The following CTNNA3 variants were observed in gnomAD, a reference collection of about 807,000 sequenced individuals.
The protein encoded by CTNNA3 is catenin alpha-3.
Under a neutral mutation model 95.7 loss-of-function variants are expected in CTNNA3, and 76 were observed. The ratio of observed to expected loss-of-function variants is 0.79; its 90% confidence interval spans 0.66 to 0.96. The LOEUF is 0.96. Among genes scored for constraint, CTNNA3 ranks in the 40% least tolerant of loss-of-function variants. The pLI, the probability that CTNNA3 is intolerant of heterozygous loss-of-function variation, is 0.00. For missense variants in CTNNA3, 1,191 were observed against 1,089.8 expected (o/e 1.09, Z -1.31); for synonymous variants, 431 against 374.4 (o/e 1.15, Z -1.74).
intron 10 of CTNNA3, among the ~76,000 whole-genome samples, chr10:66,609,201 A>G (rs1007721111): frequency 6.6e-6 from 1 of 151,546 alleles, no homozygotes; most frequent in African/African-American, 2.4e-5. Flanking sequence ...CTGGGACCAC[A>G]GGTATGTGCC....
intron 7 of CTNNA3, among the ~76,000 whole-genome samples, chr10:66,881,053 C>T (rs1268299716): frequency 6.6e-6 from 1 of 152,092 alleles, no homozygotes; most frequent in African/African-American, 2.4e-5. Context: ...CGTCAGCTGT[C>T]AGACACTATC....
At position 67,586,489 on chromosome 10, in the gene CTNNA3, C is replaced by A. The variant is rs1035169198; in HGVS notation, c.292+20368G>T. On this transcript the variant is annotated intron_variant, in intron 3 of 17. Coordinates refer to ENST00000433211, the MANE Select transcript of CTNNA3 (RefSeq NM_013266.4). ...TATTTGTTTTATGAATACGGGTGCT[C>A]CAGGATTGGATGCATGTATTTAGAA... Among the ~76,000 whole-genome samples the A allele has an allele frequency of 3.3e-5, 5 of 152,008 alleles. No individual in the cohort carries two copies. In the East Asian group the frequency reaches 7.7e-4, roughly 23 times the overall value.
At chr10:67,750,263 A>T in intron 1 of CTNNA3, 2 of 1,507,692 alleles carry the variant, frequency 1.3e-6, no homozygotes, top group African/African-American at 1.4e-5. Context: ...GTGCTCACTC[A>T]GAATCATTTC....
Position 67,270,266 on chromosome 10 carries a change from C to T in CTNNA3, c.580-50396G>A, listed in dbSNP as rs962591870. Among the ~76,000 whole-genome samples the T allele has an allele frequency of 1.6e-4, 25 of 152,040 alleles. 1 individual carries two copies. The highest frequency in any genetic ancestry group is 6.0e-4 in the African/African-American group (25 of 41,434). ...CATCTATTCGCATCTTGACATGTTG[C>T]TCTTTTAAAATAAACATAATTCCTC... On this transcript the variant is annotated intron_variant, in intron 5 of 17. Coordinates refer to ENST00000433211, the MANE Select transcript of CTNNA3 (RefSeq NM_013266.4).
chr10:67,627,592 G>A (rs1173456324), intron 2 of CTNNA3, among the ~76,000 whole-genome samples: 1 of 152,096 alleles, frequency 6.6e-6, no homozygotes, highest in Non-Finnish European at 1.5e-5. Flanking sequence ...AAATGTTTGA[G>A]TCATTTCTAA....
chr10:67,564,395 A>C (rs1481798860), intron 3 of CTNNA3, among the ~76,000 whole-genome samples: 1 of 147,056 alleles, frequency 6.8e-6, no homozygotes, highest in Non-Finnish European at 1.5e-5. Context: ...TCGCAAGGAC[A>C]GAAAACCAAA....
At chr10:66,043,638 T>C (rs952378481) in intron 15 of CTNNA3, among the ~76,000 whole-genome samples, 3 of 152,204 alleles carry the variant, frequency 2.0e-5, no homozygotes, top group South Asian at 4.1e-4. Context: ...ATGTCCTGAA[T>C]GCTGTCAGAG....
At chr10:66,520,209 C>T (rs114485619) in intron 11 of CTNNA3, among the ~76,000 whole-genome samples, 1,548 of 144,264 alleles carry the variant, frequency 0.011, 29 homozygotes, top group African/African-American at 0.038. Flanking sequence ...TAAATGTTTA[C>T]TGGATTAAAT....
intron 10 of CTNNA3, among the ~76,000 whole-genome samples, chr10:66,535,720 G>A (rs117748801): frequency 9.2e-5 from 14 of 152,232 alleles, no homozygotes; most frequent in Non-Finnish European, 1.3e-4. Context: ...GTGAGGGATG[G>A]GGAGGGAGAA....
At chr10:67,133,646 T>A (rs1367419687) in intron 7 of CTNNA3, among the ~76,000 whole-genome samples, 1 of 151,808 alleles carries the variant, frequency 6.6e-6, no homozygotes, top group East Asian at 1.9e-4. Flanking sequence ...AGATTAAAAC[T>A]CTAATTAATT....
intron 7 of CTNNA3, among the ~76,000 whole-genome samples, chr10:66,900,349 A>G (rs7896296): frequency 0.31 from 47,647 of 152,006 alleles, 8,835 homozygotes; most frequent in East Asian, 0.47. Flanking sequence ...GACATCCCCA[A>G]TAAAACCCCA....
intron 5 of CTNNA3, among the ~76,000 whole-genome samples, chr10:67,515,663 G>A (rs1400909556): frequency 6.6e-6 from 1 of 152,136 alleles, no homozygotes; most frequent in South Asian, 2.1e-4. Context: ...AGACAGACAT[G>A]AATATTTTAG....
intron 11 of CTNNA3, among the ~76,000 whole-genome samples, chr10:66,407,612 G>A (rs1384173484): frequency 6.7e-6 from 1 of 150,126 alleles, no homozygotes; most frequent in Non-Finnish European, 1.5e-5. Context: ...ACAGAGTCTC[G>A]CTCTGTCACC....
chr10:66,855,068 A>G, intron 7 of CTNNA3, among the ~76,000 whole-genome samples: 1 of 151,950 alleles, frequency 6.6e-6, no homozygotes, highest in Non-Finnish European at 1.5e-5. Flanking sequence ...TTGTGTCAAT[A>G]TTATATTGAA....
chr10:66,197,458 G>C (rs1465520922), intron 13 of CTNNA3, among the ~76,000 whole-genome samples: 1 of 151,878 alleles, frequency 6.6e-6, no homozygotes, highest in African/African-American at 2.4e-5. Flanking sequence ...CATAAACCTA[G>C]ACAAACACAT....
chr10:67,423,324 T>C lies in CTNNA3; in HGVS notation c.579+98518A>G, dbSNP rs376954717. ...TCAATTGACCAACCAGAACATCTTG[T>C]CCCAAGATTTTACATGACCCAGGCA... On this transcript the variant is annotated intron_variant, in intron 5 of 17. Transcript: ENST00000433211. 2.0e-5 allele frequency among the ~76,000 whole-genome samples: 3 copies of C among 152,226 alleles called. No homozygotes were observed. The East Asian group carries it at 5.8e-4, about 29-fold the overall frequency.
At position 67,722,048 on chromosome 10, in the gene CTNNA3, G is replaced by T. The variant is rs571897300; in HGVS notation, c.-2+41386C>A. On this transcript the variant is annotated intron_variant, in intron 1 of 17. Transcript: ENST00000684154. ...TATGTTGGTCTTGCCGGGAGCTGCA[G>T]ACTGGAGCAGTTCCTATTCAGCCAT... is the stretch of plus-strand genomic sequence containing the variant. Among the ~76,000 whole-genome samples, 155 of 152,256 alleles carry T rather than the reference G, an allele frequency of 1.0e-3. 1 individual carries two copies. Among genetic ancestry groups the T allele is most frequent in the Non-Finnish European group, 2.0e-3 (136 of 68,002 alleles).
At chr10:67,306,949 C>A (rs1473385427) in intron 5 of CTNNA3, among the ~76,000 whole-genome samples, 1 of 152,016 alleles carries the variant, frequency 6.6e-6, no homozygotes, top group Non-Finnish European at 1.5e-5. Flanking sequence ...AAACATTTTG[C>A]ACACAGAGAA....
At chr10:67,026,992 T>C (rs539565998) in intron 7 of CTNNA3, among the ~76,000 whole-genome samples, 1 of 152,308 alleles carries the variant, frequency 6.6e-6, no homozygotes, top group South Asian at 2.1e-4. Flanking sequence ...TCTCAGAAAA[T>C]AAATGATGAT....
Sources: gnomAD v4.1 joint callset for allele counts (sites outside exome capture counted in the v4.1 genomes callset) on GRCh38, gnomAD v4.1.1 for gene constraint, MANE v1.5 for transcripts, NCBI Gene and HGNC (gene_info 2026-07-23, HGNC 2026-07-21) for gene names.